The following NDUFAF6 variants were observed in gnomAD, a reference collection of about 807,000 sequenced individuals.
NDUFAF6 encodes NADH dehydrogenase (ubiquinone) complex I, assembly factor 6.
A neutral mutation model predicts 40.8 loss-of-function variants in NDUFAF6; 45 were observed. The observed-to-expected ratio is 1.10, with a 90% CI of 0.87 to 1.42. The LOEUF (loss-of-function observed/expected upper bound fraction) is 1.42. Ranked by LOEUF, NDUFAF6 falls within the 40% of genes most tolerant of loss-of-function variation. The pLI is 0.00. For synonymous variants in NDUFAF6, 185 were observed against 155.9 expected, an observed-to-expected ratio of 1.19 and a Z score of -1.39; for missense variants, 435 against 418.5, an observed-to-expected ratio of 1.04 and a Z score of -0.34.
At chr8:94,945,857 G>C (rs759206573) in intron 2 of NDUFAF6, among the ~76,000 whole-genome samples, 1 of 152,138 alleles carries the variant, frequency 6.6e-6, no homozygotes, top group Non-Finnish European at 1.5e-5. Context: ...CAGTTTCCCC[G>C]ACAAGAGAAA....
At chr8:95,001,149 T>G (rs1408031558) in intron 2 of NDUFAF6, among the ~76,000 whole-genome samples, 1 of 151,916 alleles carries the variant, frequency 6.6e-6, no homozygotes, top group Non-Finnish European at 1.5e-5. Flanking sequence ...AGGGTTGAGG[T>G]CTCGCTATGT....
At chr8:95,074,354 A>G (rs945947467) in intron 9 of NDUFAF6, among the ~76,000 whole-genome samples, 2 of 151,996 alleles carry the variant, frequency 1.3e-5, no homozygotes, top group African/African-American at 4.8e-5. Flanking sequence ...GACTTGTGCG[A>G]CTTGTGTGGC....
At chr8:95,105,076 G>C (rs1476735467), downstream of NDUFAF6, among the ~76,000 whole-genome samples, 665 of 18,078 alleles carry the variant, frequency 0.037, 8 homozygotes, top group African/African-American at 0.099. Flanking sequence ...CAGAGAGAGA[G>C]AGAGAGAGAG....
At chr8:95,076,665 G>T (rs1325297203), downstream of NDUFAF6, among the ~76,000 whole-genome samples, 1 of 152,108 alleles carries the variant, frequency 6.6e-6, no homozygotes, top group African/African-American at 2.4e-5. Flanking sequence ...CCTGAGGTCG[G>T]GAGTTCGAGA....
chr8:95,004,004 C>T (rs1035914226), intron 2 of NDUFAF6, among the ~76,000 whole-genome samples: 3 of 152,204 alleles, frequency 2.0e-5, no homozygotes, highest in Admixed American at 6.5e-5. Flanking sequence ...ACAGACTACA[C>T]GTTCAGTGTG....
intron 1 of NDUFAF6, among the ~76,000 whole-genome samples, chr8:94,975,651 T>C (rs1824854056): frequency 6.6e-6 from 1 of 152,186 alleles, no homozygotes; most frequent in Non-Finnish European, 1.5e-5. Flanking sequence ...GGAAAGAGGC[T>C]GAATGAGTGC....
At chr8:95,086,598 CTTTTCTTTTTTT>C (rs1379202346) in intron 2 of NDUFAF6, among the ~76,000 whole-genome samples, 4 of 124,720 alleles carry the variant, frequency 3.2e-5, no homozygotes, top group African/African-American at 1.4e-4. Context: ...TTTTTCTTTT[CTTTTCTTTTTTT>C]TTTTTTTTTC....
intron 1 of NDUFAF6, chr8:94,925,902 A>AC (rs5893309): frequency 0.8 from 121,518 of 152,456 alleles, 49,682 homozygotes; most frequent in East Asian, 0.89. Flanking sequence ...TTTTGGACAA[A>AC]AAAACTAAAC....
Position 95,007,448 on chromosome 8 carries a change from G to A in NDUFAF6, c.-83-24547G>A, listed in dbSNP as rs567287154. 5.3e-5 allele frequency among the ~76,000 whole-genome samples: 8 copies of A among 152,182 alleles called. No individual in the cohort carries two copies. The South Asian group carries it at 1.5e-3, about 28-fold the overall frequency. On this transcript the variant is annotated intron_variant, in intron 2 of 9. Coordinates refer to the NDUFAF6 transcript ENST00000396111. ...GGAGGCCAAGGCAGGAAGATCACTTGAGCTCAGGAGTTCAAGACTAGCCTG... is the reference window on the plus strand; with the variant it reads ...GGAGGCCAAGGCAGGAAGATCACTTAAGCTCAGGAGTTCAAGACTAGCCTG...
At chr8:94,961,728 C>T (rs984533330) in intron 1 of NDUFAF6, among the ~76,000 whole-genome samples, 1 of 152,134 alleles carries the variant, frequency 6.6e-6, no homozygotes, top group East Asian at 1.9e-4. Context: ...CAGCCTAGAG[C>T]AACCATTATT....
At chr8:95,048,337 C>A in intron 6 of NDUFAF6, 120 bp from the exon 7 acceptor site, 1 of 744,914 alleles carries the variant, frequency 1.3e-6, no homozygotes. Flanking sequence ...ACATACTGTT[C>A]TGTCACGTGT....
intron 2 of NDUFAF6, among the ~76,000 whole-genome samples, chr8:95,001,715 G>A (rs144108039): frequency 0.01 from 1,536 of 152,296 alleles, 28 homozygotes; most frequent in African/African-American, 0.035. Flanking sequence ...CCAGGGCTGG[G>A]CTCTTAAACC....
intron 1 of NDUFAF6, among the ~76,000 whole-genome samples, chr8:95,028,340 A>G (rs1448490240): frequency 2.0e-5 from 3 of 152,236 alleles, no homozygotes; most frequent in Non-Finnish European, 4.4e-5. Flanking sequence ...GGACTGGATA[A>G]TCTCAGGTAA....
intron 1 of NDUFAF6, among the ~76,000 whole-genome samples, chr8:94,909,341 T>C (rs1818586756): frequency 2.7e-5 from 2 of 74,644 alleles, no homozygotes; most frequent in Non-Finnish European, 2.3e-5. Context: ...AGAGGGAGAC[T>C]CCGTCTCAAA....
chr8:95,047,019 T>C lies in NDUFAF6; in HGVS notation c.606T>C (p.His202=), dbSNP rs1176398723. 2 of 1,614,078 alleles carry C rather than the reference T, an allele frequency of 1.2e-6. No homozygotes were observed. Among genetic ancestry groups the C allele is most frequent in the Admixed American group, 1.7e-5 (1 of 60,006 alleles). ...ILGIKDLHAD[H]AASHIGKAQG... Reference sequence around the variant, plus strand: ...GTATAAAGGATCTTCATGCAGATCATGCTGCAAGTCATATTGGAAAAGCAC... The same window carrying C: ...GTATAAAGGATCTTCATGCAGATCACGCTGCAAGTCATATTGGAAAAGCAC... The change falls in exon 6 of 9, where the codon CAT becomes CAC. Residue 202 remains histidine, a synonymous_variant. Transcript: ENST00000396124.
Position 95,025,125 on chromosome 8 carries a change from G to T in NDUFAF6, c.117G>T (p.Pro39=). The T allele has an allele frequency of 6.7e-7, 1 of 1,482,634 alleles. No homozygotes were observed. The highest frequency in any genetic ancestry group is 1.3e-5 in the South Asian group (1 of 77,830). 91.8% of individuals were successfully genotyped at this position (1,482,634 alleles called of 1,614,324 possible). A position where few individuals can be genotyped will look rare whatever the true frequency, so the allele number is the denominator to read the frequency against. The change falls in exon 1 of 9, where the codon CCG becomes CCT. Residue 39 remains proline (P), a synonymous_variant. Transcript: ENST00000396124. The part of the protein sequence containing the change: ...LYARMRRLPG[P]EVSGRSVAAA... ...CGCGCATGCGGCGGCTGCCCGGGCC[G>T]GAGGTGTCTGGGCGGAGCGTGGCTG...
chr8:95,016,932 T>C (rs1209783010), intron 2 of NDUFAF6, among the ~76,000 whole-genome samples: 2 of 20,646 alleles, frequency 9.7e-5, no homozygotes, highest in South Asian at 2.1e-3. Flanking sequence ...CCTCCTCCTC[T>C]TTTTTTTTTT....
upstream of NDUFAF6, among the ~76,000 whole-genome samples, chr8:95,099,077 C>T (rs1163397458): frequency 6.6e-6 from 1 of 151,230 alleles, no homozygotes; most frequent in African/African-American, 2.4e-5. Flanking sequence ...CCCATCTCTA[C>T]TACAAATAAA....
chr8:94,916,244 A>G (rs1819116809), intron 1 of NDUFAF6, among the ~76,000 whole-genome samples: 1 of 152,212 alleles, frequency 6.6e-6, no homozygotes, highest in Non-Finnish European at 1.5e-5. Context: ...AGCACATTCA[A>G]CATGGAATCG....
Sources: gnomAD v4.1 joint callset for allele counts (sites outside exome capture counted in the v4.1 genomes callset) on GRCh38, gnomAD v4.1.1 for gene constraint, MANE v1.5 for transcripts, NCBI Gene and HGNC (gene_info 2026-07-23, HGNC 2026-07-21) for gene names.